GRIP1: variants seen among roughly 807,000 people sequenced by gnomAD.
GRIP1 encodes glutamate receptor-interacting protein 1.
In GRIP1, 45 loss-of-function variants were observed where a neutral mutation model predicts 129.9. That is an observed-to-expected ratio of 0.35 (90% CI 0.27 to 0.44). The LOEUF (loss-of-function observed/expected upper bound fraction) is 0.44, where lower values mean the gene tolerates loss of function less well. Among genes scored for constraint, GRIP1 ranks in the 20% least tolerant of loss-of-function variants. The pLI is 1.00. For missense variants in GRIP1, 1,196 were observed against 1,396.8 expected (o/e 0.86, Z 2.29); for synonymous variants, 530 against 520.8 (o/e 1.02, Z -0.24).
intron 14 of GRIP1, among the ~76,000 whole-genome samples, chr12:66,426,521 G>T (rs2057992626): frequency 6.6e-6 from 1 of 152,104 alleles, no homozygotes; most frequent in African/African-American, 2.4e-5. Context: ...TGATGTCAAT[G>T]ATAGGTTTCT....
intron 1 of GRIP1, among the ~76,000 whole-genome samples, chr12:66,598,431 A>T (rs572225095): frequency 6.6e-6 from 1 of 152,228 alleles, no homozygotes; most frequent in Non-Finnish European, 1.5e-5. Flanking sequence ...TACCAATTCA[A>T]TCAATATCGC....
intron 19 of GRIP1, among the ~76,000 whole-genome samples, chr12:66,391,842 C>A (rs139868044): frequency 3.3e-5 from 5 of 151,744 alleles, no homozygotes; most frequent in Non-Finnish European, 5.9e-5. Flanking sequence ...CAGAGTGAGA[C>A]CCAGTCTCTA....
chr12:66,475,340 A>G (rs10878432), intron 7 of GRIP1, among the ~76,000 whole-genome samples: 1 of 151,980 alleles, frequency 6.6e-6, no homozygotes, highest in Non-Finnish European at 1.5e-5. Flanking sequence ...AAGTCCTTAG[A>G]GACCTACAAA....
At chr12:66,758,339 C>T (rs182910504) in intron 1 of GRIP1, among the ~76,000 whole-genome samples, 2 of 152,138 alleles carry the variant, frequency 1.3e-5, no homozygotes, top group Non-Finnish European at 2.9e-5. Flanking sequence ...TTCACTATCA[C>T]AAGAATAGCA....
At chr12:66,610,567 T>C (rs10506490) in intron 1 of GRIP1, among the ~76,000 whole-genome samples, 103,020 of 151,926 alleles carry the variant, frequency 0.68, 36,218 homozygotes, top group African/African-American at 0.84. Context: ...CCAGGGACTT[T>C]GAAATTTCAG....
chr12:67,040,946 G>T (rs1202379864), intron 1 of GRIP1, among the ~76,000 whole-genome samples: 1 of 152,076 alleles, frequency 6.6e-6, no homozygotes, highest in African/African-American at 2.4e-5. Context: ...CCTGATGTGG[G>T]TGGGCCTCAC....
At chr12:66,478,125 C>T (rs2059680625) in intron 7 of GRIP1, among the ~76,000 whole-genome samples, 2 of 152,144 alleles carry the variant, frequency 1.3e-5, no homozygotes, top group African/African-American at 4.8e-5. Flanking sequence ...TTGCAATCTA[C>T]CCATCTGACA....
At chr12:66,636,758 ACT>A (rs138493001) in intron 1 of GRIP1, among the ~76,000 whole-genome samples, 6 of 121,768 alleles carry the variant, frequency 4.9e-5, no homozygotes, top group Admixed American at 8.2e-5. Context: ...TGTGTGTCTC[ACT>A]CTCTCTCTCT....
At chr12:66,354,904 C>T (rs1247463214) in intron 23 of GRIP1, among the ~76,000 whole-genome samples, 1 of 152,050 alleles carries the variant, frequency 6.6e-6, no homozygotes, top group Non-Finnish European at 1.5e-5. Flanking sequence ...CCAACCAGTC[C>T]CAGTGGTTAT....
intron 9 of GRIP1, among the ~76,000 whole-genome samples, chr12:66,458,637 G>A (rs376634999): frequency 7.8e-4 from 118 of 152,230 alleles, no homozygotes; most frequent in African/African-American, 2.8e-3. Context: ...CGCCTGCCTC[G>A]GCCTCCCAAA....
At chr12:66,767,077 T>A (rs1049147727) in intron 1 of GRIP1, among the ~76,000 whole-genome samples, 1 of 152,204 alleles carries the variant, frequency 6.6e-6, no homozygotes, top group South Asian at 2.1e-4. Flanking sequence ...GAAATGATTT[T>A]TTTTGTCATT....
At chr12:66,628,325 C>T (rs1037873288) in intron 1 of GRIP1, among the ~76,000 whole-genome samples, 4 of 152,136 alleles carry the variant, frequency 2.6e-5, no homozygotes, top group African/African-American at 9.7e-5. Flanking sequence ...CTTGAGTTCC[C>T]CTGTGTACCT....
At chr12:66,475,370 A>C (rs1487412047) in intron 7 of GRIP1, among the ~76,000 whole-genome samples, 1 of 151,956 alleles carries the variant, frequency 6.6e-6, no homozygotes, top group Non-Finnish European at 1.5e-5. Context: ...ACTCCCACAC[A>C]ATAATAGTGG....
intron 1 of GRIP1, among the ~76,000 whole-genome samples, chr12:66,759,689 A>G (rs1010049359): frequency 2.0e-5 from 3 of 152,138 alleles, no homozygotes; most frequent in African/African-American, 7.2e-5. Context: ...ACCCTAAATC[A>G]TCTCTCTCAA....
Position 66,468,177 on chromosome 12 carries a change from A to G in GRIP1, c.725-2755T>C, listed in dbSNP as rs188657779. 4.2e-3 allele frequency among the ~76,000 whole-genome samples: 639 copies of G among 152,214 alleles called. 13 individuals are homozygous for G. The highest frequency in any genetic ancestry group is 1.4e-3 in the Non-Finnish European group (97 of 67,986). On this transcript the variant is annotated intron_variant, in intron 7 of 24. Transcript: ENST00000359742. ...TCCAGCCAATGGGAAGTGAGATGTG[A>G]CTGTGTTCCAGGATGTGCTCTTAAA... is the stretch of plus-strand genomic sequence containing the variant.
At chr12:66,557,233 G>A (rs767789536) in intron 2 of GRIP1, among the ~76,000 whole-genome samples, 5 of 151,954 alleles carry the variant, frequency 3.3e-5, no homozygotes, top group Non-Finnish European at 7.4e-5. Context: ...AGACAAAGAG[G>A]GCTCATTATA....
intron 1 of GRIP1, chr12:67,065,212 G>T (rs1444994035): frequency 2.6e-5 from 4 of 152,058 alleles, no homozygotes; most frequent in African/African-American, 7.3e-5. Flanking sequence ...GTGGTAACAT[G>T]TCTGCAGTAC....
At chr12:66,395,030 T>C (rs559704447) in intron 16 of GRIP1, among the ~76,000 whole-genome samples, 1 of 152,342 alleles carries the variant, frequency 6.6e-6, no homozygotes, top group East Asian at 1.9e-4. Flanking sequence ...ACAGCTGTTG[T>C]AAGCTATGTT....
rs181144496 is a variant in GRIP1, at chr12:66,539,642, T to C, written c.273-419A>G. ...CCTAGACACAACACATGTCTTTTTA[T>C]TCTCAATCCCTCTTGTTTTTGCTGC... is the stretch of plus-strand genomic sequence containing the variant. On this transcript the variant is annotated intron_variant, in intron 3 of 24. Transcript: ENST00000359742. Among the ~76,000 whole-genome samples the C allele has an allele frequency of 1.2e-3, 182 of 151,550 alleles. 1 individual carries two copies. The highest frequency in any genetic ancestry group is 4.1e-3 in the African/African-American group (169 of 41,326).
Sources: gnomAD v4.1 joint callset for allele counts (sites outside exome capture counted in the v4.1 genomes callset) on GRCh38, gnomAD v4.1.1 for gene constraint, MANE v1.5 for transcripts, NCBI Gene and HGNC (gene_info 2026-07-23, HGNC 2026-07-21) for gene names.